Variants in ATL1 observed in about 807,000 individuals in gnomAD.
The protein encoded by ATL1 is atlastin GTPase 1, also known as atlastin-1.
Under a neutral mutation model 75.5 loss-of-function variants are expected in ATL1, and 31 were observed. The observed-to-expected ratio is 0.41, with a 90% CI of 0.31 to 0.55. The LOEUF is 0.55. Among genes scored for constraint, ATL1 ranks in the 20% least tolerant of loss-of-function variants. The pLI is 0.27. For missense variants in ATL1, 405 were observed against 662.6 expected (o/e 0.61, Z 4.27); for synonymous variants, 226 against 233.3 (o/e 0.97, Z 0.28).
At chr14:50,621,984 T>C in intron 10 of ATL1, 85 bp downstream of exon 10, 1 of 895,524 alleles carries the variant, frequency 1.1e-6, no homozygotes. Context: ...ATAACAATAT[T>C]AGACAGAATA....
At chr14:50,590,717 T>C (rs902356898) in intron 2 of ATL1, among the ~76,000 whole-genome samples, 5 of 152,200 alleles carry the variant, frequency 3.3e-5, no homozygotes, top group Non-Finnish European at 5.9e-5. Flanking sequence ...TCTGCAATGA[T>C]ATCTTTTCAT....
chr14:50,536,850 G>A (rs192079212), intron 1 of ATL1, among the ~76,000 whole-genome samples: 9 of 152,294 alleles, frequency 5.9e-5, no homozygotes, highest in Non-Finnish European at 1.2e-4. Context: ...TCAAGAGGTG[G>A]CTAGGGTGTT....
intron 6 of ATL1, among the ~76,000 whole-genome samples, chr14:50,602,901 T>C (rs191393579): frequency 6.6e-6 from 1 of 152,128 alleles, no homozygotes; most frequent in Non-Finnish European, 1.5e-5. Context: ...TTCTGCTGAA[T>C]TGGAATCCCT....
At chr14:50,597,734 G>A (rs994744663) in intron 6 of ATL1, among the ~76,000 whole-genome samples, 5 of 151,908 alleles carry the variant, frequency 3.3e-5, no homozygotes, top group Admixed American at 6.6e-5. Flanking sequence ...TCACTCTGTC[G>A]CCCAGGCTGG....
intron 1 of ATL1, among the ~76,000 whole-genome samples, chr14:50,569,418 C>CAAA (rs35548036): frequency 0.19 from 22,660 of 118,240 alleles, 2,647 homozygotes; most frequent in Middle Eastern, 0.3. Context: ...GACTCTGTCT[C>CAAA]AAAAAAAAAA....
At chr14:50,618,826 T>A (rs934562633) in intron 8 of ATL1, among the ~76,000 whole-genome samples, 1 of 151,842 alleles carries the variant, frequency 6.6e-6, no homozygotes, top group Non-Finnish European at 1.5e-5. Context: ...CTTTTTTACA[T>A]AGTATGTGTA....
Position 50,587,878 on chromosome 14 carries a change from C to T in ATL1, c.82C>T (p.Pro28Ser). 2 of 1,614,020 alleles carry T rather than the reference C, an allele frequency of 1.2e-6. No homozygotes were observed. Among genetic ancestry groups the T allele is most frequent in the Non-Finnish European group, 1.7e-6 (2 of 1,179,996 alleles). Residue 28 changes from proline to serine, a missense_variant, in exon 2 of 14, where the codon CCA becomes TCA. Physicochemically the swap from Pro to Ser is moderately conservative, Grantham distance 74 (BLOSUM62 -1). Coordinates refer to ENST00000358385, the MANE Select transcript of ATL1 (RefSeq NM_015915.5). ...TGAATGGAGCTCAGAAGAGGAGGAG[C>T]CAGTGAAAAAGGCAGGACCAGTCCA... Reference protein sequence around the residue: ...TYEWSSEEEEPVKKAGPVQVL... With the variant: ...TYEWSSEEEESVKKAGPVQVL...
intron 6 of ATL1, among the ~76,000 whole-genome samples, chr14:50,609,571 T>C (rs1387279163): frequency 2.6e-5 from 4 of 151,928 alleles, no homozygotes; most frequent in African/African-American, 9.7e-5. Context: ...GACAAGGAGA[T>C]ATGGATATAA....
chr14:50,631,031 G>A (rs2039574696), intron 13 of ATL1: 1 of 446,974 alleles, frequency 2.2e-6, no homozygotes, highest in East Asian at 7.1e-5. Flanking sequence ...GACTGAGGTG[G>A]GCGGATCACG....
intron 1 of ATL1, among the ~76,000 whole-genome samples, chr14:50,545,036 G>T (rs1285992943): frequency 2.0e-5 from 3 of 151,344 alleles, no homozygotes; most frequent in Non-Finnish European, 4.4e-5. Flanking sequence ...AACTCGGAAG[G>T]CCAGGCTGTG....
chr14:50,589,889 G>A (rs1488009852), intron 2 of ATL1, among the ~76,000 whole-genome samples: 1 of 152,088 alleles, frequency 6.6e-6, no homozygotes, highest in African/African-American at 2.4e-5. Context: ...TTACTGTAAG[G>A]TTTTAGATTG....
At chr14:50,592,924 A>AT (rs1488547106) in intron 4 of ATL1, among the ~76,000 whole-genome samples, 4 of 103,964 alleles carry the variant, frequency 3.8e-5, no homozygotes, top group African/African-American at 1.4e-4. Context: ...AAAAAAAAAA[A>AT]AAAAAATATA....
At chr14:50,622,394 G>C (rs141790023) in intron 10 of ATL1, among the ~76,000 whole-genome samples, 26 of 152,148 alleles carry the variant, frequency 1.7e-4, no homozygotes, top group Admixed American at 1.6e-3. Flanking sequence ...TTGGCCGGGC[G>C]TGGTGGCTCA....
chr14:50,601,459 A>C (rs1229283671), intron 6 of ATL1, among the ~76,000 whole-genome samples: 1 of 152,184 alleles, frequency 6.6e-6, no homozygotes, highest in Non-Finnish European at 1.5e-5. Context: ...GGGAGGAGGG[A>C]GGAGGTGAGC....
At chr14:50,574,730 A>G (rs530575481) in intron 1 of ATL1, among the ~76,000 whole-genome samples, 2 of 151,986 alleles carry the variant, frequency 1.3e-5, no homozygotes, top group African/African-American at 2.4e-5. Flanking sequence ...CATATCTTGT[A>G]TAATAGAGCT....
chr14:50,607,060 A>G (rs1446129071), intron 6 of ATL1, among the ~76,000 whole-genome samples: 1 of 152,080 alleles, frequency 6.6e-6, no homozygotes, highest in Non-Finnish European at 1.5e-5. Flanking sequence ...TTTAGCAACA[A>G]GAGCTCAATG....
intron 1 of ATL1, among the ~76,000 whole-genome samples, chr14:50,577,375 A>G (rs962014250): frequency 3.3e-5 from 5 of 152,180 alleles, no homozygotes; most frequent in Admixed American, 3.3e-4. Context: ...TACATTTTTA[A>G]GAAATACAAA....
At chr14:50,611,304 A>G (rs2039363943) in intron 6 of ATL1, among the ~76,000 whole-genome samples, 1 of 151,990 alleles carries the variant, frequency 6.6e-6, no homozygotes, top group African/African-American at 2.4e-5. Flanking sequence ...AAAGAAGTCC[A>G]CCAACTTCTA....
chr14:50,566,378 GT>G lies in ATL1; in HGVS notation c.34+6082del, dbSNP rs144467205. Among the ~76,000 whole-genome samples, 1,156 of 152,130 alleles carry G rather than the reference GT, an allele frequency of 7.6e-3. 13 individuals are homozygous for G. Among genetic ancestry groups the G allele is most frequent in the Middle Eastern group, 0.014 (4 of 294 alleles). On this transcript the variant is annotated intron_variant, in intron 1 of 13. Transcript: ENST00000358385. The stretch of plus-strand genomic sequence containing the variant: ...TCTAATTCTCTTGATAATTTTTACA[GT>G]TTAGCTATAAATAAATATATATATA...
Sources: gnomAD v4.1 joint callset for allele counts (sites outside exome capture counted in the v4.1 genomes callset) on GRCh38, gnomAD v4.1.1 for gene constraint, MANE v1.5 for transcripts, NCBI Gene and HGNC (gene_info 2026-07-23, HGNC 2026-07-21) for gene names.